HYCC2: variants seen among roughly 807,000 people sequenced by gnomAD.
HYCC2 encodes the protein hyccin 2.
chr2:201,069,633 T>A, the HYCC2 span, among the ~76,000 whole-genome samples: 1 of 149,744 alleles, frequency 6.7e-6, no homozygotes, highest in African/African-American at 2.5e-5. Flanking sequence ...AAGCAAAGAT[T>A]TAACTGGTAC....
the HYCC2 span, chr2:201,045,667 G>C: frequency 1.0e-5 from 4 of 394,716 alleles, no homozygotes; most frequent in Non-Finnish European, 1.3e-5. Context: ...GAACAGTTTT[G>C]ATAGGCATTT....
At chr2:201,000,918 G>A in the HYCC2 span, among the ~76,000 whole-genome samples, 2 of 150,394 alleles carry the variant, frequency 1.3e-5, no homozygotes, top group Non-Finnish European at 3.0e-5. Context: ...TGGATCACCT[G>A]AGGTCAGGAG....
At chr2:201,068,144 G>C in the HYCC2 span, among the ~76,000 whole-genome samples, 1 of 151,996 alleles carries the variant, frequency 6.6e-6, no homozygotes, top group Non-Finnish European at 1.5e-5. Flanking sequence ...AAAATTAGCC[G>C]GGCGTGGTGG....
the HYCC2 span, chr2:200,979,194 C>T: frequency 6.6e-6 from 1 of 150,768 alleles, no homozygotes; most frequent in African/African-American, 2.4e-5. Context: ...ATTTGACATC[C>T]CTTAAATTAA....
chr2:200,997,413 A>G, the HYCC2 span: 4 of 1,378,304 alleles, frequency 2.9e-6, no homozygotes, highest in Non-Finnish European at 4.1e-6. Context: ...TATCAAATAA[A>G]TATGAAGATT....
chr2:201,067,841 T>A, the HYCC2 span, among the ~76,000 whole-genome samples: 1 of 152,230 alleles, frequency 6.6e-6, no homozygotes, highest in Admixed American at 6.5e-5. Flanking sequence ...GATATAAATG[T>A]CTATACAAAT....
At chr2:200,981,119 T>A in the HYCC2 span, 1 of 903,972 alleles carries the variant, frequency 1.1e-6, no homozygotes, top group Non-Finnish European at 1.7e-6. The surrounding 1 kb of genome is among the most constrained non-coding windows in gnomAD (Gnocchi z 4.5). Flanking sequence ...CTTATTGCTG[T>A]TTTGATACAA....
the HYCC2 span, among the ~76,000 whole-genome samples, chr2:201,039,692 C>T: frequency 6.6e-6 from 1 of 152,118 alleles, no homozygotes. Context: ...AATATTTCAA[C>T]CCCACATGGT....
chr2:201,008,712 T>C, the HYCC2 span, among the ~76,000 whole-genome samples: 1 of 151,940 alleles, frequency 6.6e-6, no homozygotes, highest in Non-Finnish European at 1.5e-5. Flanking sequence ...CTGGACAACA[T>C]AGCAAGACCT....
At chr2:200,981,557 C>G in the HYCC2 span, 1 of 1,614,206 alleles carries the variant, frequency 6.2e-7, no homozygotes, top group Non-Finnish European at 8.5e-7. This position sits in a 1 kb window ranked among gnomAD's most constrained non-coding sequence, Gnocchi z 4.5. Context: ...TTTGGCACCA[C>G]CTGGCCAGCA....
At chr2:201,045,484 T>G in the HYCC2 span, 1 of 397,918 alleles carries the variant, frequency 2.5e-6, no homozygotes. Context: ...AAAGTTAAAG[T>G]CTTAATTTTA....
the HYCC2 span, among the ~76,000 whole-genome samples, chr2:201,048,973 A>C: frequency 1.1e-4 from 16 of 151,992 alleles, no homozygotes; most frequent in Admixed American, 2.0e-4. Flanking sequence ...AACAAACAAA[A>C]AAACAACAAC....
chr2:201,029,022 C>A, the HYCC2 span, among the ~76,000 whole-genome samples: 2 of 152,072 alleles, frequency 1.3e-5, no homozygotes, highest in East Asian at 3.9e-4. Context: ...AACAGGCAAC[C>A]TACAGAATGG....
At chr2:200,986,050 C>T in the HYCC2 span, among the ~76,000 whole-genome samples, 2 of 152,126 alleles carry the variant, frequency 1.3e-5, no homozygotes, top group Non-Finnish European at 2.9e-5. Context: ...CACATCTATT[C>T]ATCTTTTTAT....
At chr2:200,987,773 A>C in the HYCC2 span, among the ~76,000 whole-genome samples, 1 of 152,238 alleles carries the variant, frequency 6.6e-6, no homozygotes, top group Non-Finnish European at 1.5e-5. Context: ...TCTCTTAGGC[A>C]AGACAGCTTG....
the HYCC2 span, among the ~76,000 whole-genome samples, chr2:201,053,035 G>T: frequency 2.0e-5 from 3 of 152,112 alleles, no homozygotes; most frequent in African/African-American, 7.2e-5. Context: ...TTGAGGATGG[G>T]GTCAAGTACA....
chr2:201,023,942 T>C, the HYCC2 span: 1 of 1,593,854 alleles, frequency 6.3e-7, no homozygotes, highest in South Asian at 1.1e-5. Flanking sequence ...TACATTCTGA[T>C]CTCCAATCCA....
the HYCC2 span, among the ~76,000 whole-genome samples, chr2:201,067,665 T>G: frequency 6.6e-6 from 1 of 152,220 alleles, no homozygotes; most frequent in Non-Finnish European, 1.5e-5. Context: ...ATATTTGCAA[T>G]GCCAACTTTT....
chr2:201,056,972 C>G, the HYCC2 span, among the ~76,000 whole-genome samples: 1 of 152,210 alleles, frequency 6.6e-6, no homozygotes, highest in Non-Finnish European at 1.5e-5. Context: ...TAGCAATGCC[C>G]TGAATTGGAC....
Sources: gnomAD v4.1 joint callset for allele counts (sites outside exome capture counted in the v4.1 genomes callset) on GRCh38, gnomAD v4.1.1 for gene constraint, Gnocchi (gnomAD v3.1) non-coding constraint, MANE v1.5 for transcripts, NCBI Gene and HGNC (gene_info 2026-07-23, HGNC 2026-07-21) for gene names.